TBCD: variants seen among roughly 807,000 people sequenced by gnomAD.
TBCD encodes the protein tubulin-specific chaperone D.
In TBCD, 105 loss-of-function variants were observed where a neutral mutation model predicts 169.3. The observed-to-expected ratio is 0.62, with a 90% confidence interval of 0.53 to 0.73. TBCD has a LOEUF of 0.73. Among genes scored for constraint, TBCD ranks in the 30% least tolerant of loss-of-function variants. The probability of loss-of-function intolerance (pLI) is 0.00; values close to 1 mark genes in which losing one functional copy is unlikely to be tolerated. For missense variants in TBCD, 1,444 were observed against 1,600.1 expected (o/e 0.90, Z 1.66); for synonymous variants, 700 against 643.9 (o/e 1.09, Z -1.32).
intron 13 of TBCD, among the ~76,000 whole-genome samples, chr17:82,844,869 C>T (rs2054867589): frequency 6.6e-6 from 1 of 152,160 alleles, no homozygotes; most frequent in African/African-American, 2.4e-5. Flanking sequence ...AGGTGCATCA[C>T]CTGCACTGGT....
At chr17:82,753,564 C>T (rs969948470) in intron 1 of TBCD, among the ~76,000 whole-genome samples, 7 of 146,622 alleles carry the variant, frequency 4.8e-5, no homozygotes, top group Middle Eastern at 7.5e-3. Flanking sequence ...TCAAGCTATT[C>T]TCCTGTCTTA....
At chr17:82,919,645 G>A (rs1046289097) in intron 23 of TBCD, among the ~76,000 whole-genome samples, 2 of 152,088 alleles carry the variant, frequency 1.3e-5, no homozygotes, top group Admixed American at 6.6e-5. Context: ...ACTTCACATC[G>A]AGAGGACCGT....
Position 82,921,553 on chromosome 17 carries a change from A to G in TBCD, c.2154A>G (p.Ser718=), listed in dbSNP as rs746916236. The change falls in exon 25 of 39, where the codon TCA becomes TCG. Residue 718 remains serine, a synonymous_variant. Coordinates refer to ENST00000355528, the MANE Select transcript of TBCD (RefSeq NM_005993.5). ...CTTTGAGACATCTCCATCTCATCTCAAGTCACTCCCGCCAGCAGATGAAGG... is the reference window on the plus strand; with the variant it reads ...CTTTGAGACATCTCCATCTCATCTCGAGTCACTCCCGCCAGCAGATGAAGG... The part of the protein sequence containing the change: ...NDTLRHLHLI[S]SHSRQQMKDA... The G allele has an allele frequency of 3.1e-6, 5 of 1,613,978 alleles. No homozygotes were observed. The highest frequency in any genetic ancestry group is 4.2e-6 in the Non-Finnish European group (5 of 1,179,886).
In TBCD at chr17:82,832,639, G is replaced by A; in HGVS notation, c.1318+17705G>A. On this transcript the variant is annotated intron_variant, in intron 13 of 38. Coordinates refer to ENST00000355528, the MANE Select transcript of TBCD (RefSeq NM_005993.5). The surrounding 1 kb of genome is among the most constrained non-coding windows in gnomAD (Gnocchi z 4.9). ...CTCCGTCATCTGGCGGCTGGGAGCT[G>A]TAATAAAGAGCAGTCTTGGTGTCAG... 1.6e-6 allele frequency: 1 copy of A among 641,132 alleles called. No individual in the cohort carries two copies. Among genetic ancestry groups the A allele is most frequent in the East Asian group, 2.7e-5 (1 of 36,566 alleles). 39.7% of individuals were successfully genotyped at this position (641,132 alleles called of 1,614,324 possible). A position where few individuals can be genotyped will look rare whatever the true frequency, so the allele number is the denominator to read the frequency against.
intron 14 of TBCD, 95 bp downstream of exon 14, chr17:82,870,475 G>A (rs1439669240): frequency 3.5e-6 from 5 of 1,429,682 alleles, no homozygotes; most frequent in Admixed American, 2.6e-5. Context: ...GCAGATGCTC[G>A]TGAAAAGGTG....
chr17:82,850,197 G>C (rs1483594478), intron 13 of TBCD, among the ~76,000 whole-genome samples: 4 of 126,458 alleles, frequency 3.2e-5, no homozygotes, highest in Non-Finnish European at 6.8e-5. Flanking sequence ...GCTGCTGTTG[G>C]CTGTGCTGTT....
intron 13 of TBCD, among the ~76,000 whole-genome samples, chr17:82,838,309 G>A (rs1345806874): frequency 6.6e-6 from 1 of 150,546 alleles, no homozygotes. Flanking sequence ...TTTGAACTTT[G>A]AAAAATAGAC....
chr17:82,791,510 C>T (rs1415370701), intron 7 of TBCD, among the ~76,000 whole-genome samples: 1 of 152,164 alleles, frequency 6.6e-6, no homozygotes, highest in Non-Finnish European at 1.5e-5. Context: ...GAACTGTTGC[C>T]TTTGGGCAGG....
At chr17:82,815,143 G>A (rs1294039025) in intron 13 of TBCD, among the ~76,000 whole-genome samples, 1 of 152,226 alleles carries the variant, frequency 6.6e-6, no homozygotes, top group Admixed American at 6.5e-5. Context: ...AAGAGCTTGA[G>A]AACAAGGTCT....
intron 13 of TBCD, among the ~76,000 whole-genome samples, chr17:82,822,724 G>A (rs529323279): frequency 7.8e-4 from 119 of 152,346 alleles, no homozygotes; most frequent in African/African-American, 2.8e-3. Flanking sequence ...AAAGAGAAAA[G>A]GAAATACGCT....
rs2053525059 is a variant in TBCD, at chr17:82,831,661, G to A, written c.1318+16727G>A. 3.1e-6 allele frequency: 5 copies of A among 1,614,168 alleles called. No homozygotes were observed. Among genetic ancestry groups the A allele is most frequent in the South Asian group, 2.2e-5 (2 of 91,074 alleles). ...CAGCAGGGGTGCGTCACACTCAGGC[G>A]AGCTCCCAGCCAGCAGGTAAGGCGA... On this transcript the variant is annotated intron_variant, in intron 13 of 38. Coordinates refer to ENST00000355528, the MANE Select transcript of TBCD (RefSeq NM_005993.5). The surrounding 1 kb of genome is among the most constrained non-coding windows in gnomAD (Gnocchi z 4.6).
rs2047142608 is a variant in TBCD, at chr17:82,752,380, G to A, written c.184+3G>A. The A allele has an allele frequency of 8.1e-7, 1 of 1,241,384 alleles. No homozygotes were observed. The highest frequency in any genetic ancestry group is 3.4e-5 in the South Asian group (1 of 29,666). The allele number at this position is 1,241,384 out of a possible 1,614,324, so 76.9% of individuals were successfully genotyped here. A position where few individuals can be genotyped will look rare whatever the true frequency, so the allele number is the denominator to read the frequency against. Reference sequence around the variant, plus strand: ...GGTGGCCCTGGAGCGGTTCCGCGGTGCGTGGGCGGCGCCGCGTGCCCGCTT... The same window carrying A: ...GGTGGCCCTGGAGCGGTTCCGCGGTACGTGGGCGGCGCCGCGTGCCCGCTT... On this transcript the variant is annotated splice_donor_region_variant and intron_variant, in intron 1 of 38. Coordinates refer to ENST00000355528, the MANE Select transcript of TBCD (RefSeq NM_005993.5).
chr17:82,909,151 C>A, intron 21 of TBCD, 134 bp from the exon 22 acceptor site: 1 of 660,946 alleles, frequency 1.5e-6, no homozygotes, highest in South Asian at 2.2e-5. Flanking sequence ...CGTCCTCAGC[C>A]CCCTAGGCGG....
At chr17:82,887,167 G>GCGC (rs759428859) in intron 15 of TBCD, among the ~76,000 whole-genome samples, 4 of 99,830 alleles carry the variant, frequency 4.0e-5, no homozygotes, top group Non-Finnish European at 5.8e-5. Context: ...GTGTGTGTGT[G>GCGC]TGCGCGCGCG....
At chr17:82,788,407 T>TG (rs2049461161) in intron 7 of TBCD, among the ~76,000 whole-genome samples, 1 of 152,078 alleles carries the variant, frequency 6.6e-6, no homozygotes, top group Non-Finnish European at 1.5e-5. Context: ...GCGGCGGGGC[T>TG]GGGGGACTCG....
At chr17:82,860,286 C>G in intron 13 of TBCD, 1 of 845,974 alleles carries the variant, frequency 1.2e-6, no homozygotes, top group East Asian at 1.2e-4. Context: ...GGAGGGCCCC[C>G]GCCCCCTGCA....
intron 13 of TBCD, among the ~76,000 whole-genome samples, chr17:82,846,319 C>CAT (rs1289886029): frequency 0.043 from 3,147 of 73,544 alleles, 190 homozygotes; most frequent in African/African-American, 0.09. Flanking sequence ...CTGCGTCCAG[C>CAT]GTGCCGTGTC....
chr17:82,759,452 C>CTCCAA (rs1377094588), intron 2 of TBCD, among the ~76,000 whole-genome samples: 1 of 152,094 alleles, frequency 6.6e-6, no homozygotes, highest in Non-Finnish European at 1.5e-5. Flanking sequence ...TGCCACTGCA[C>CTCCAA]TCCAGCGTGG....
rs145802984 is a variant in TBCD at position 82,799,515 on chromosome 17, C to T, written c.818-1349C>T. ...TAACTTTCTTTTTTTGAAAGTTTTT[C>T]ATTATGGAAAATTTGAAACATGTAT... On this transcript the variant is annotated intron_variant, in intron 8 of 38. Coordinates refer to ENST00000355528, the MANE Select transcript of TBCD (RefSeq NM_005993.5). Among the ~76,000 whole-genome samples the T allele has an allele frequency of 9.2e-3, 1,360 of 147,038 alleles. 10 individuals are homozygous for T. The highest frequency in any genetic ancestry group is 0.014 in the Admixed American group (209 of 14,658).
Sources: gnomAD v4.1 joint callset for allele counts (sites outside exome capture counted in the v4.1 genomes callset) on GRCh38, gnomAD v4.1.1 for gene constraint, Gnocchi (gnomAD v3.1) non-coding constraint, MANE v1.5 for transcripts, NCBI Gene and HGNC (gene_info 2026-07-23, HGNC 2026-07-21) for gene names.